ATRX: variants seen among roughly 807,000 people sequenced by gnomAD.
ATRX encodes ATRX chromatin remodeler.
ATRX carries 12 observed loss-of-function variants against 172.6 expected under a neutral mutation model. That is an observed-to-expected ratio of 0.07 (90% confidence interval 0.04 to 0.11). ATRX has a LOEUF of 0.11. Among genes scored for constraint, ATRX ranks in the 10% least tolerant of loss-of-function variants. The pLI, the probability that ATRX is intolerant of heterozygous loss-of-function variation, is 1.00. For synonymous variants in ATRX, 674 were observed against 594.7 expected (o/e 1.13, Z -1.94); for missense variants, 1,368 against 1,767.4 (o/e 0.77, Z 4.05).
chrX:77,525,402 C>T (rs2063350131), intron 30 of ATRX, among the ~76,000 whole-genome samples: 1 of 111,857 alleles, frequency 8.9e-6, no homozygotes, highest in Non-Finnish European at 1.9e-5. Context: ...ACATGCCAAA[C>T]ATGACTCAAG....
chrX:77,520,992 C>T (rs1268886425), intron 33 of ATRX, 76 bp from the exon 34 acceptor site: 11 of 1,047,846 alleles, frequency 1.0e-5, no homozygotes, highest in Admixed American at 2.3e-5. Context: ...TTAAGATATT[C>T]GGGATTTCCC....
intron 24 of ATRX, 43 bp from the exon 25 acceptor site, chrX:77,599,623 T>C (rs2148146244): frequency 1.7e-6 from 2 of 1,204,651 alleles, no homozygotes; most frequent in South Asian, 1.8e-5. Context: ...ACATTCAGAT[T>C]GTTAGAAAAG....
rs782508028 is a variant in ATRX, at chrX:77,616,686, G to A, written c.5493C>T (p.His1831=). The change falls in exon 22 of 35, where the codon CAC becomes CAT. Residue 1831 remains histidine (H), a synonymous_variant. Transcript: ENST00000373344. The part of the protein sequence containing the change: ...TALTKFLPPK[H]EYVLAVRMTS... ...TCATTCTCACAGCTAACACATATTC[G>A]TGTTTTGGAGGCAAGAATTTTGTTA... is the stretch of plus-strand genomic sequence containing the variant. The A allele has an allele frequency of 1.7e-5, 21 of 1,202,836 alleles. No homozygotes were observed. The highest frequency in any genetic ancestry group is 2.2e-5 in the Non-Finnish European group (20 of 889,016).
chrX:77,552,028 T>G (rs1389267522), intron 30 of ATRX, among the ~76,000 whole-genome samples: 1 of 111,647 alleles, frequency 9.0e-6, no homozygotes, highest in African/African-American at 3.3e-5. Flanking sequence ...GGTGGGACTG[T>G]AAACTAGTTC....
chrX:77,687,108 G>A lies in ATRX; in HGVS notation c.594+1710C>T, dbSNP rs781885115. ...GTGGACGTTGTCGTGAGCCAAGATCGCGCCACTGTACTCCAGCCTGGGCGA... is the reference window on the plus strand; with the variant it reads ...GTGGACGTTGTCGTGAGCCAAGATCACGCCACTGTACTCCAGCCTGGGCGA... On this transcript the variant is annotated intron_variant, in intron 7 of 34. Transcript: ENST00000373344. Among the ~76,000 whole-genome samples, 7 of 93,634 alleles carry A rather than the reference G, an allele frequency of 7.5e-5. No homozygotes were observed. The South Asian group carries it at 1.6e-3, about 22-fold the overall frequency. The allele number at this position is 93,634 out of a possible 115,157, so 81.3% of individuals were successfully genotyped here.
intron 19 of ATRX, among the ~76,000 whole-genome samples, chrX:77,632,239 A>ATT (rs1286755515): frequency 8.8e-5 from 4 of 45,580 alleles, no homozygotes; most frequent in African/African-American, 2.2e-4. Flanking sequence ...AGAAGCTTTA[A>ATT]TTTTTTTTTT....
intron 1 of ATRX, among the ~76,000 whole-genome samples, chrX:77,741,053 C>T (rs973838423): frequency 1.8e-5 from 2 of 109,187 alleles, no homozygotes; most frequent in Non-Finnish European, 3.8e-5. Context: ...CACACACACA[C>T]ACACACACAC....
At chrX:77,729,716 C>G (rs943065474) in intron 1 of ATRX, among the ~76,000 whole-genome samples, 2 of 111,451 alleles carry the variant, frequency 1.8e-5, no homozygotes, top group Non-Finnish European at 3.8e-5. Flanking sequence ...GGGTGGATCA[C>G]TTGAGGTCAG....
chrX:77,740,082 T>TA (rs1336585162), intron 1 of ATRX, among the ~76,000 whole-genome samples: 33 of 100,966 alleles, frequency 3.3e-4, no homozygotes, highest in Middle Eastern at 5.0e-3. Flanking sequence ...AAAAAATTTT[T>TA]AAAAAAAGAA....
At chrX:77,724,991 C>T (rs782778670) in intron 1 of ATRX, among the ~76,000 whole-genome samples, 9 of 111,887 alleles carry the variant, frequency 8.0e-5, no homozygotes, top group African/African-American at 2.6e-4. Context: ...GGCAAAAGAG[C>T]ACACATTTAC....
chrX:77,584,047 T>A (rs186433793), intron 27 of ATRX, among the ~76,000 whole-genome samples: 4 of 110,732 alleles, frequency 3.6e-5, no homozygotes, highest in Admixed American at 9.6e-5. Flanking sequence ...TAAAAGAAAA[T>A]TTTTTAAGAC....
At chrX:77,693,056 T>C (rs2071996755) in intron 6 of ATRX, among the ~76,000 whole-genome samples, 1 of 110,752 alleles carries the variant, frequency 9.0e-6, no homozygotes, top group South Asian at 3.8e-4. Context: ...CCAGCTGATA[T>C]TTTTATTTTT....
intron 1 of ATRX, among the ~76,000 whole-genome samples, chrX:77,748,844 C>G (rs782172366): frequency 2.7e-5 from 3 of 111,240 alleles, no homozygotes; most frequent in Non-Finnish European, 5.6e-5. Context: ...ACCTCGGCCT[C>G]CCAGAGTGCT....
In ATRX at chrX:77,725,163, C is replaced by A. The variant is rs782052778; in HGVS notation, c.21-7920G>T. 9.9e-5 allele frequency among the ~76,000 whole-genome samples: 11 copies of A among 111,293 alleles called. No homozygotes were observed. In the East Asian group the frequency reaches 2.8e-3, roughly 28 times the overall value. The stretch of plus-strand genomic sequence containing the variant: ...TCAGAGTGGTTAAACCGCATTGCCA[C>A]AACAATCCTAAGCAAAAAGAACAAA... On this transcript the variant is annotated intron_variant, in intron 1 of 34. Transcript: ENST00000373344.
intron 26 of ATRX, among the ~76,000 whole-genome samples, chrX:77,591,119 T>C (rs1365358294): frequency 8.9e-6 from 1 of 112,240 alleles, no homozygotes; most frequent in Non-Finnish European, 1.9e-5. Flanking sequence ...ACATCAAGTT[T>C]TGTGTAGAGT....
intron 20 of ATRX, 100 bp from the exon 21 acceptor site, chrX:77,619,081 G>T: frequency 1.8e-6 from 1 of 553,299 alleles, no homozygotes; most frequent in Non-Finnish European, 2.9e-6. Flanking sequence ...ACATGCATTA[G>T]AATTAAGCTA....
chrX:77,735,461 G>A (rs1557178429), intron 1 of ATRX, among the ~76,000 whole-genome samples: 4 of 111,344 alleles, frequency 3.6e-5, no homozygotes, highest in South Asian at 7.4e-4. Flanking sequence ...GCACAGTGAC[G>A]GACGCCTGTA....
intron 2 of ATRX, among the ~76,000 whole-genome samples, chrX:77,711,759 C>T (rs1003128137): frequency 8.9e-6 from 1 of 112,028 alleles, no homozygotes; most frequent in Non-Finnish European, 1.9e-5. Flanking sequence ...CACTTGAACC[C>T]GGGAGGTGGA....
chrX:77,776,006 A>G (rs969437066), intron 1 of ATRX, among the ~76,000 whole-genome samples: 1 of 111,880 alleles, frequency 8.9e-6, no homozygotes, highest in African/African-American at 3.2e-5. Context: ...TGGTGGGATT[A>G]CAGGCATGAG....
Sources: allele counts gnomAD v4.1 joint callset (sites outside exome capture counted in the v4.1 genomes callset), GRCh38; gene constraint gnomAD v4.1.1; transcripts MANE v1.5; gene names NCBI Gene and HGNC (gene_info 2026-07-23, HGNC 2026-07-21).